The following CGGBP1 variants were observed in gnomAD, a reference collection of about 807,000 sequenced individuals.
CGGBP1 encodes the protein CGG triplet repeat binding protein 1.
CGGBP1 carries 4 observed loss-of-function variants against 11.4 expected under a neutral mutation model. The ratio of observed to expected loss-of-function variants is 0.35; its 90% CI spans 0.17 to 0.80. The LOEUF (loss-of-function observed/expected upper bound fraction) is 0.80. CGGBP1 is among the 30% of genes least tolerant of loss of function. The pLI is 0.52. For missense variants in CGGBP1, 135 were observed against 202.1 expected (o/e 0.67, Z 2.01); for synonymous variants, 76 against 74.1 (o/e 1.03, Z -0.13).
At position 88,055,158 on chromosome 3, in the gene CGGBP1, G is replaced by A. The variant is rs1180762026; in HGVS notation, c.*315C>T. On this transcript the variant is annotated 3_prime_UTR_variant, in exon 4 of 4. Transcript: ENST00000482016. This position sits in a 1 kb window ranked among gnomAD's most constrained non-coding sequence, Gnocchi z 4.2. ...CAAGGAATAATCATACATGGCAACAGGGTAAAAAAGCAGGGCAGTTCTTCC... is the reference window on the plus strand; with the variant it reads ...CAAGGAATAATCATACATGGCAACAAGGTAAAAAAGCAGGGCAGTTCTTCC... 9.4e-6 allele frequency: 2 copies of A among 212,342 alleles called. No homozygotes were observed. The highest frequency in any genetic ancestry group is 1.0e-4 in the East Asian group (1 of 9,726). 13.2% of individuals were successfully genotyped at this position (212,342 alleles called of 1,614,324 possible). A position where few individuals can be genotyped will look rare whatever the true frequency, so the allele number is the denominator to read the frequency against.
chr3:88,056,022 G>C (rs1706533535), intron 3 of CGGBP1, 23 bp from the exon 4 acceptor site: 2 of 1,517,634 alleles, frequency 1.3e-6, no homozygotes, highest in East Asian at 4.5e-5. Context: ...AAGAAACAAA[G>C]ATGAGTATTA....
At chr3:88,111,100 G>T (rs970144133) in intron 2 of CGGBP1, among the ~76,000 whole-genome samples, 5 of 151,990 alleles carry the variant, frequency 3.3e-5, no homozygotes, top group African/African-American at 1.2e-4. Context: ...CATGGATTTT[G>T]AGTAAGTATG....
upstream of CGGBP1, among the ~76,000 whole-genome samples, chr3:88,062,953 A>G (rs1706972171): frequency 6.6e-6 from 1 of 152,222 alleles, no homozygotes; most frequent in African/African-American, 2.4e-5. Flanking sequence ...TTCGCAGTAA[A>G]CTTGAGAGAA....
intron 3 of CGGBP1, 75 bp from the exon 4 acceptor site, chr3:88,056,074 G>T: frequency 9.0e-7 from 1 of 1,116,816 alleles, no homozygotes; most frequent in Non-Finnish European, 1.3e-6. Flanking sequence ...ATAAAAGGCA[G>T]TATATAAACA....
intron 2 of CGGBP1, among the ~76,000 whole-genome samples, chr3:88,091,314 A>AT (rs1708620585): frequency 6.6e-6 from 1 of 152,188 alleles, no homozygotes; most frequent in Non-Finnish European, 1.5e-5. Flanking sequence ...ATAATAAATA[A>AT]TCACACTACA....
At chr3:88,066,009 C>T (rs1274580370) in intron 2 of CGGBP1, among the ~76,000 whole-genome samples, 1 of 152,196 alleles carries the variant, frequency 6.6e-6, no homozygotes, top group Non-Finnish European at 1.5e-5. Context: ...GCTAGGATTA[C>T]AGGCATGAGC....
chr3:88,080,482 G>A (rs1434360431), intron 2 of CGGBP1, among the ~76,000 whole-genome samples: 1 of 152,074 alleles, frequency 6.6e-6, no homozygotes. Flanking sequence ...CAATAGGCCT[G>A]TGATTAAAGT....
intron 2 of CGGBP1, among the ~76,000 whole-genome samples, chr3:88,064,091 T>C (rs946992794): frequency 2.1e-5 from 3 of 145,670 alleles, no homozygotes; most frequent in Admixed American, 1.5e-4. Context: ...ATGGATATTA[T>C]TGAATAACGA....
intron 2 of CGGBP1, among the ~76,000 whole-genome samples, chr3:88,123,425 G>T (rs1248667077): frequency 6.6e-5 from 10 of 152,160 alleles, no homozygotes. Context: ...CAAGAGTCAA[G>T]TATATAATTC....
At chr3:88,139,452 G>A (rs1455409222) in intron 2 of CGGBP1, 20 of 1,613,834 alleles carry the variant, frequency 1.2e-5, no homozygotes, top group Admixed American at 1.7e-5. Flanking sequence ...GAAGAATCAT[G>A]TTAAGAAGAT....
At position 88,075,753 on chromosome 3, in the gene CGGBP1, C is replaced by CT. The variant is rs35978382; in HGVS notation, c.-228-17531dup. The stretch of plus-strand genomic sequence containing the variant: ...TATTAAATTTGCCTCGCCTATCTTC[C>CT]TTTTTTTTTCTCTTGGTTTTTTTGT... On this transcript the variant is annotated intron_variant, in intron 2 of 3. Coordinates refer to the CGGBP1 transcript ENST00000462901. Among the ~76,000 whole-genome samples, 240 of 151,356 alleles carry CT rather than the reference C, an allele frequency of 1.6e-3. 3 individuals are homozygous for CT. Among genetic ancestry groups the CT allele is most frequent in the Non-Finnish European group, 2.0e-3 (134 of 67,778 alleles).
chr3:88,059,902 C>T (rs1278662861), upstream of CGGBP1, among the ~76,000 whole-genome samples: 2 of 152,048 alleles, frequency 1.3e-5, no homozygotes, highest in Admixed American at 6.5e-5. Flanking sequence ...TCTGCCTTCC[C>T]CTCTCCGCCG....
At chr3:88,140,393 T>G (rs775289436) in intron 2 of CGGBP1, 7 of 1,613,062 alleles carry the variant, frequency 4.3e-6, no homozygotes, top group Middle Eastern at 3.3e-4. Flanking sequence ...AACAAACTAT[T>G]AGTCTGCCAG....
chr3:88,086,437 T>A (rs995009067), intron 2 of CGGBP1: 1 of 1,424,064 alleles, frequency 7.0e-7, no homozygotes, highest in African/African-American at 1.4e-5. Flanking sequence ...ATGCATTATT[T>A]TTCTTGATGT....
At chr3:88,109,471 G>GT (rs1022597529) in intron 2 of CGGBP1, among the ~76,000 whole-genome samples, 3 of 152,064 alleles carry the variant, frequency 2.0e-5, no homozygotes, top group African/African-American at 7.2e-5. Context: ...ACTTAAATTG[G>GT]TAAGTGGATT....
intron 2 of CGGBP1, among the ~76,000 whole-genome samples, chr3:88,090,524 A>G (rs187159540): frequency 6.6e-6 from 1 of 151,630 alleles, no homozygotes; most frequent in Admixed American, 6.6e-5. Flanking sequence ...AGTTAAAAGT[A>G]AAAAGTTTAT....
chr3:88,074,727 T>C (rs1707706874), intron 2 of CGGBP1, among the ~76,000 whole-genome samples: 1 of 152,200 alleles, frequency 6.6e-6, no homozygotes, highest in Non-Finnish European at 1.5e-5. Flanking sequence ...AATTTAGAAA[T>C]ATACTAATAT....
At chr3:88,095,005 C>A (rs1703976150) in intron 2 of CGGBP1, among the ~76,000 whole-genome samples, 1 of 152,036 alleles carries the variant, frequency 6.6e-6, no homozygotes, top group African/African-American at 2.4e-5. Flanking sequence ...AGAATTTCTT[C>A]CAAGTTTGCT....
intron 2 of CGGBP1, chr3:88,140,567 T>C: frequency 6.2e-7 from 1 of 1,613,732 alleles, no homozygotes; most frequent in Middle Eastern, 1.6e-4. Flanking sequence ...TAGAGCCAAA[T>C]TCTGAAAATA....
Sources: gnomAD v4.1 joint callset for allele counts (sites outside exome capture counted in the v4.1 genomes callset) on GRCh38, gnomAD v4.1.1 for gene constraint, Gnocchi (gnomAD v3.1) non-coding constraint, MANE v1.5 for transcripts, NCBI Gene and HGNC (gene_info 2026-07-23, HGNC 2026-07-21) for gene names.